Variants in POTEH observed in about 807,000 individuals in gnomAD.
The protein encoded by POTEH is POTE ankyrin domain family member H, also known as ANKRD26-like family C member 3.
POTEH carries 6 observed loss-of-function variants against 41.7 expected under a neutral mutation model. That is an observed-to-expected ratio of 0.14 (90% confidence interval 0.08 to 0.28). The LOEUF is 0.28. Among genes scored for constraint, POTEH ranks in the 10% least tolerant of loss-of-function variants. The pLI, the probability that POTEH is intolerant of heterozygous loss-of-function variation, is 1.00. For synonymous variants in POTEH, 38 were observed against 179.9 expected (o/e 0.21, Z 6.31); for missense variants, 115 against 533.5 (o/e 0.22, Z 7.73).
At chr22:15,691,981 G>GATATATATATATATATATATATAT (rs1403078945) in intron 1 of POTEH, among the ~76,000 whole-genome samples, 9 of 123,042 alleles carry the variant, frequency 7.3e-5, no homozygotes, top group South Asian at 2.8e-4. Context: ...TACATATGCA[G>GATATATATATATATATATATATAT]ATACATATAT....
intron 6 of POTEH, among the ~76,000 whole-genome samples, chr22:15,705,353 C>CTTTTTT (rs377062560): frequency 5.7e-3 from 81 of 14,216 alleles, no homozygotes; most frequent in South Asian, 0.013. Flanking sequence ...ATATGTTGGC[C>CTTTTTT]TTTTTTTTTT....
intron 1 of POTEH, among the ~76,000 whole-genome samples, chr22:15,691,981 G>GATATATAT (rs1403078945): frequency 6.5e-5 from 8 of 123,030 alleles, no homozygotes; most frequent in South Asian, 2.8e-4. Context: ...TACATATGCA[G>GATATATAT]ATACATATAT....
chr22:15,697,930 A>T (rs1185121115), intron 3 of POTEH, among the ~76,000 whole-genome samples: 474 of 146,730 alleles, frequency 3.2e-3, no homozygotes, highest in African/African-American at 0.012. Context: ...GCAAATTCTA[A>T]ACTGTTTTTT....
intron 1 of POTEH, among the ~76,000 whole-genome samples, chr22:15,692,449 T>C (rs1325049871): frequency 6.8e-6 from 1 of 147,150 alleles, no homozygotes; most frequent in Non-Finnish European, 1.5e-5. Context: ...TACTGTTTTC[T>C]ATTTAAGTTA....
intron 1 of POTEH, among the ~76,000 whole-genome samples, chr22:15,691,536 A>AG (rs1403478023): frequency 2.2e-4 from 30 of 138,290 alleles, no homozygotes; most frequent in African/African-American, 7.4e-4. Context: ...AAAAAAAAAA[A>AG]AAAAAAAAAG....
chr22:15,692,856 C>A (rs1203632681), intron 1 of POTEH, among the ~76,000 whole-genome samples: 1 of 128,434 alleles, frequency 7.8e-6, no homozygotes, highest in Non-Finnish European at 1.8e-5. Context: ...TGCAGCTTTT[C>A]AAACAGGCAC....
intron 1 of POTEH, among the ~76,000 whole-genome samples, chr22:15,691,580 C>T (rs1485052087): frequency 7.1e-6 from 1 of 141,594 alleles, no homozygotes; most frequent in Non-Finnish European, 1.6e-5. Context: ...TTACTTAAGC[C>T]AAATAAAAAT....
rs1249711605 is a variant in POTEH at position 15,690,087 on chromosome 22, G to C, written c.10G>C (p.Glu4Gln). Residue 4 changes from glutamate (E) to glutamine (Q), a missense_variant, in exon 1 of 11, where the codon GAG becomes CAG. By Grantham distance (29) the Glu-to-Gln change is conservative. Coordinates refer to ENST00000343518, the MANE Select transcript of POTEH (RefSeq NM_001136213.1). MVAEAGSMPAASSV... is the reference protein window; with the variant it reads MVAQAGSMPAASSV... ...TGGCTGTTAAAAGCAGATGGTGGCTGAGGCTGGTTCAATGCCGGCTGCCTC... is the reference window on the plus strand; with the variant it reads ...TGGCTGTTAAAAGCAGATGGTGGCTCAGGCTGGTTCAATGCCGGCTGCCTC... 1 of 1,401,768 alleles carries C rather than the reference G, an allele frequency of 7.1e-7. No individual in the cohort carries two copies. The highest frequency in any genetic ancestry group is 1.5e-5 in the African/African-American group (1 of 66,570). The allele number at this position is 1,401,768 out of a possible 1,614,324, so 86.8% of individuals were successfully genotyped here.
At position 15,692,005 on chromosome 22, in the gene POTEH, T is replaced by TAA. The variant is rs1491088645; in HGVS notation, c.632+1297_632+1298insAA. 2.6e-4 allele frequency among the ~76,000 whole-genome samples: 23 copies of TAA among 89,952 alleles called. 1 individual carries two copies. The highest frequency in any genetic ancestry group is 5.8e-4 in the South Asian group (2 of 3,442). The allele number at this position is 89,952 out of a possible 152,430, so 59.0% of individuals were successfully genotyped here. On this transcript the variant is annotated intron_variant, in intron 1 of 10. Transcript: ENST00000343518. ...AGATACATATATATATATATATATATATAAATTTCTTTTTTTTTTTGATGG... is the reference window on the plus strand; with the variant it reads ...AGATACATATATATATATATATATATAAATAAATTTCTTTTTTTTTTTGATGG...
intron 9 of POTEH, among the ~76,000 whole-genome samples, chr22:15,713,960 T>C (rs1251990186): frequency 2.6e-5 from 4 of 152,290 alleles, no homozygotes; most frequent in African/African-American, 7.2e-5. Flanking sequence ...TGATTAGCTG[T>C]TGAGTATCAC....
At chr22:15,691,881 G>A (rs1323685047) in intron 1 of POTEH, among the ~76,000 whole-genome samples, 41 of 148,370 alleles carry the variant, frequency 2.8e-4, no homozygotes, top group Middle Eastern at 3.6e-3. Flanking sequence ...AAACTAGCTA[G>A]ATGTTTATAT....
chr22:15,708,616 T>C (rs1233483450), intron 7 of POTEH, among the ~76,000 whole-genome samples: 1 of 146,970 alleles, frequency 6.8e-6, no homozygotes, highest in Non-Finnish European at 1.5e-5. Context: ...GATTCTAATT[T>C]AATATTTGAT....
chr22:15,713,763 G>T (rs1388028147), intron 9 of POTEH, among the ~76,000 whole-genome samples: 1 of 152,302 alleles, frequency 6.6e-6, no homozygotes, highest in African/African-American at 2.4e-5. Context: ...GCCTCACGAA[G>T]TGTTGGGATT....
intron 9 of POTEH, among the ~76,000 whole-genome samples, chr22:15,713,760 G>A (rs1451254080): frequency 2.6e-5 from 4 of 152,392 alleles, no homozygotes; most frequent in East Asian, 1.9e-4. Flanking sequence ...TTGGCCTCAC[G>A]AAGTGTTGGG....
chr22:15,710,305 G>A (rs1373076825), intron 8 of POTEH, among the ~76,000 whole-genome samples: 1 of 152,252 alleles, frequency 6.6e-6, no homozygotes, highest in Non-Finnish European at 1.5e-5. Context: ...GTTTCAGTGA[G>A]CACCTTCGTG....
intron 1 of POTEH, among the ~76,000 whole-genome samples, chr22:15,691,526 A>G (rs1329055511): frequency 6.1e-4 from 9 of 14,720 alleles, no homozygotes; most frequent in African/African-American, 1.7e-3. Context: ...ACTCCGTCTC[A>G]AAAAAAAAAA....
In POTEH at chr22:15,690,151, G is replaced by A; in HGVS notation, c.74G>A (p.Gly25Asp). 4.3e-6 allele frequency: 6 copies of A among 1,390,818 alleles called. 1 individual carries two copies. Among genetic ancestry groups the A allele is most frequent in the South Asian group, 1.2e-5 (1 of 85,084 alleles). The allele number at this position is 1,390,818 out of a possible 1,614,324, so 86.2% of individuals were successfully genotyped here. Residue 25 changes from glycine (G) to aspartate (D), a missense_variant, in exon 1 of 11, where the codon GGC (glycine) becomes GAC (aspartate). Coordinates refer to ENST00000343518, the MANE Select transcript of POTEH (RefSeq NM_001136213.1). ...CCATTTGGTCTCAGAAGCAAGATGG[G>A]CAAGTGGTGCCGCCACTGCTTCGCC... Reference protein sequence around the residue: ...KKPFGLRSKMGKWCRHCFAWC... With the variant: ...KKPFGLRSKMDKWCRHCFAWC...
At chr22:15,710,233 C>G (rs1989779027) in intron 8 of POTEH, among the ~76,000 whole-genome samples, 1 of 152,294 alleles carries the variant, frequency 6.6e-6, no homozygotes, top group Non-Finnish European at 1.5e-5. Flanking sequence ...TTCTGGAATT[C>G]CATGATTGTA....
At chr22:15,712,595 A>G (rs200954653) in intron 9 of POTEH, among the ~76,000 whole-genome samples, 76 of 27,794 alleles carry the variant, frequency 2.7e-3, no homozygotes, top group Non-Finnish European at 4.1e-3. Flanking sequence ...AGTGTCCTGC[A>G]TGGGTGACAT....
Sources: gnomAD v4.1 joint callset for allele counts (sites outside exome capture counted in the v4.1 genomes callset) on GRCh38, gnomAD v4.1.1 for gene constraint, MANE v1.5 for transcripts, NCBI Gene and HGNC (gene_info 2026-07-23, HGNC 2026-07-21) for gene names.